The following TRAPPC9 variants were observed in gnomAD, a reference collection of about 807,000 sequenced individuals.
The protein encoded by TRAPPC9 is IKK2 binding protein.
TRAPPC9 carries 83 observed loss-of-function variants against 124.0 expected under a neutral mutation model. The observed-to-expected ratio is 0.67, with a 90% confidence interval of 0.56 to 0.80. TRAPPC9 has a LOEUF of 0.80. Ranked by LOEUF, TRAPPC9 falls within the 30% of genes least tolerant of loss-of-function variation. The pLI, the probability that TRAPPC9 is intolerant of heterozygous loss-of-function variation, is 0.00. For synonymous variants in TRAPPC9, 638 were observed against 617.5 expected (o/e 1.03, Z -0.49); for missense variants, 1,302 against 1,508.3 (o/e 0.86, Z 2.27).
At chr8:139,876,368 G>A (rs1466948660) in intron 21 of TRAPPC9, among the ~76,000 whole-genome samples, 2 of 152,232 alleles carry the variant, frequency 1.3e-5, no homozygotes, top group Middle Eastern at 3.2e-3. Context: ...CAGGTGGTCT[G>A]TCCTCGGGGA....
chr8:140,144,754 T>G (rs747517224), intron 17 of TRAPPC9, among the ~76,000 whole-genome samples: 2 of 152,118 alleles, frequency 1.3e-5, no homozygotes, highest in Non-Finnish European at 2.9e-5. Flanking sequence ...CCCAAAGTGC[T>G]GGGATTACAG....
At chr8:140,326,741 C>T (rs562335211) in intron 9 of TRAPPC9, among the ~76,000 whole-genome samples, 95 of 152,094 alleles carry the variant, frequency 6.2e-4, no homozygotes, top group Non-Finnish European at 1.1e-3. Context: ...ATTAGCTGGG[C>T]GTAATGGCAT....
intron 17 of TRAPPC9, among the ~76,000 whole-genome samples, chr8:140,122,019 T>TCTC (rs2060996697): frequency 2.6e-5 from 2 of 76,930 alleles, no homozygotes; most frequent in Admixed American, 1.5e-4. Context: ...CTTTCTTTCT[T>TCTC]TCTTTCTCTC....
intron 21 of TRAPPC9, among the ~76,000 whole-genome samples, chr8:139,868,525 T>G (rs904751865): frequency 2.6e-4 from 39 of 152,316 alleles, no homozygotes; most frequent in African/African-American, 9.4e-4. Flanking sequence ...GAAATCCAGA[T>G]GGAGGCCACT....
At chr8:140,292,938 A>G (rs2065703116) in intron 11 of TRAPPC9, among the ~76,000 whole-genome samples, 1 of 141,378 alleles carries the variant, frequency 7.1e-6, no homozygotes, top group African/African-American at 2.8e-5. Flanking sequence ...AACCTACAAA[A>G]TGGGAGAAAA....
chr8:140,356,344 G>A (rs549316735), intron 9 of TRAPPC9, among the ~76,000 whole-genome samples: 6 of 152,152 alleles, frequency 3.9e-5, no homozygotes, highest in South Asian at 4.1e-4. Context: ...TCTCAGTGCC[G>A]TCATCAAAAT....
chr8:140,012,188 T>C (rs7835408), intron 18 of TRAPPC9, among the ~76,000 whole-genome samples: 7,505 of 152,280 alleles, frequency 0.049, 528 homozygotes, highest in African/African-American at 0.16. Flanking sequence ...TATTATTTTA[T>C]ATAATCATCC....
intron 17 of TRAPPC9, among the ~76,000 whole-genome samples, chr8:140,029,637 T>TG (rs1840379068): frequency 8.7e-6 from 1 of 115,466 alleles, no homozygotes; most frequent in African/African-American, 2.5e-5. Context: ...ATAATAAAAT[T>TG]AAAAATATAT....
At chr8:140,035,632 C>CA (rs1354094326) in intron 17 of TRAPPC9, among the ~76,000 whole-genome samples, 1 of 152,178 alleles carries the variant, frequency 6.6e-6, no homozygotes, top group Admixed American at 6.5e-5. Context: ...TGTCGTTCGG[C>CA]AAGGTGAGGT....
chr8:139,961,777 C>T (rs1159851532), intron 19 of TRAPPC9, among the ~76,000 whole-genome samples: 1 of 123,980 alleles, frequency 8.1e-6, no homozygotes, highest in Non-Finnish European at 1.9e-5. Flanking sequence ...TCTGGACCCA[C>T]CCATGGCTGC....
chr8:139,963,749 CAAAAAAAAA>C (rs58224556), intron 19 of TRAPPC9, among the ~76,000 whole-genome samples: 1,705 of 107,362 alleles, frequency 0.016, 28 homozygotes, highest in African/African-American at 0.064. Flanking sequence ...CCAGTTCTAC[CAAAAAAAAA>C]AAAAAAAAAA....
At chr8:139,989,413 T>C (rs912839761) in intron 18 of TRAPPC9, among the ~76,000 whole-genome samples, 2 of 152,208 alleles carry the variant, frequency 1.3e-5, no homozygotes, top group African/African-American at 4.8e-5. Flanking sequence ...GCCTCTACTC[T>C]TTTGTTTCCT....
At chr8:140,051,576 C>CTTTTTTTTTTTTTT (rs1197128988) in intron 17 of TRAPPC9, among the ~76,000 whole-genome samples, 1 of 88,024 alleles carries the variant, frequency 1.1e-5, no homozygotes, top group African/African-American at 4.7e-5. Context: ...ATTGTTCATT[C>CTTTTTTTTTTTTTT]TTTTTTTTTT....
chr8:140,201,355 A>G (rs575518917), intron 17 of TRAPPC9, among the ~76,000 whole-genome samples: 2 of 152,372 alleles, frequency 1.3e-5, no homozygotes, highest in Admixed American at 1.3e-4. Flanking sequence ...CTCCCGTCCT[A>G]TATTTCCCAA....
intron 18 of TRAPPC9, among the ~76,000 whole-genome samples, chr8:140,005,130 A>G (rs938031069): frequency 6.6e-6 from 1 of 152,244 alleles, no homozygotes; most frequent in Admixed American, 6.5e-5. Context: ...CCACACTGCT[A>G]TGGAGCTTCC....
chr8:140,383,701 A>G (rs142058543), intron 7 of TRAPPC9, among the ~76,000 whole-genome samples: 5,462 of 152,294 alleles, frequency 0.036, 213 homozygotes, highest in African/African-American at 0.097. Context: ...TGTACCTGAA[A>G]GTGACAGGGA....
At chr8:139,816,940 C>T (rs1364763876) in intron 21 of TRAPPC9, among the ~76,000 whole-genome samples, 2 of 152,058 alleles carry the variant, frequency 1.3e-5, no homozygotes, top group East Asian at 3.9e-4. Flanking sequence ...TCTTTTTCTC[C>T]TTTTGCTCCA....
At chr8:140,339,460 T>C (rs1461089213) in intron 9 of TRAPPC9, among the ~76,000 whole-genome samples, 2 of 152,202 alleles carry the variant, frequency 1.3e-5, no homozygotes, top group Admixed American at 1.3e-4. Flanking sequence ...TGAACATATA[T>C]GAGTGCTTAT....
At chr8:139,944,445 A>G (rs1307993152) in intron 19 of TRAPPC9, among the ~76,000 whole-genome samples, 1 of 148,764 alleles carries the variant, frequency 6.7e-6, no homozygotes, top group African/African-American at 2.4e-5. Flanking sequence ...CTTCAATGAC[A>G]GGGCTTAGAC....
Sources: gnomAD v4.1 joint callset for allele counts (sites outside exome capture counted in the v4.1 genomes callset) on GRCh38, gnomAD v4.1.1 for gene constraint, MANE v1.5 for transcripts, NCBI Gene and HGNC (gene_info 2026-07-23, HGNC 2026-07-21) for gene names.